Variants in SPG11 observed in about 807,000 individuals in gnomAD.
The protein encoded by SPG11 is spatacsin.
A neutral mutation model predicts 274.0 loss-of-function variants in SPG11; 222 were observed. That is an observed-to-expected ratio of 0.81 (90% CI 0.73 to 0.91). The LOEUF is 0.91. SPG11 is among the 40% of genes least tolerant of loss of function. The pLI is 0.00. For synonymous variants in SPG11, 1,144 were observed against 1,039.7 expected, an observed-to-expected ratio of 1.10 and a Z score of -1.93; for missense variants, 3,114 against 2,872.7, an observed-to-expected ratio of 1.08 and a Z score of -1.92.
chr15:44,573,424 C>T, intron 32 of SPG11, 123 bp downstream of exon 32: 1 of 1,017,302 alleles, frequency 9.8e-7, no homozygotes, highest in Non-Finnish European at 1.5e-6. Flanking sequence ...AAATACATTA[C>T]TGCAATCCAG....
intron 18 of SPG11, among the ~76,000 whole-genome samples, chr15:44,609,822 C>T (rs540646954): frequency 1.3e-5 from 2 of 150,908 alleles, no homozygotes; most frequent in South Asian, 4.2e-4. Context: ...GCCTCGACTT[C>T]CCAGGCTCAA....
At chr15:44,618,557 C>T (rs1372336859) in intron 15 of SPG11, among the ~76,000 whole-genome samples, 1 of 149,790 alleles carries the variant, frequency 6.7e-6, no homozygotes, top group African/African-American at 2.5e-5. Context: ...GTGGCTCACG[C>T]CTGTAATCCC....
At chr15:44,579,391 G>A (rs886118592) in intron 30 of SPG11, among the ~76,000 whole-genome samples, 6 of 151,414 alleles carry the variant, frequency 4.0e-5, no homozygotes, top group African/African-American at 1.5e-4. Flanking sequence ...AAAAATAGCT[G>A]GGCGTGGTGG....
chr15:44,610,689 T>A, intron 18 of SPG11, 151 bp downstream of exon 18: 3 of 863,858 alleles, frequency 3.5e-6, no homozygotes, highest in Non-Finnish European at 5.4e-6. Context: ...AGATATAAAA[T>A]TTTTAAATTC....
At chr15:44,588,068 C>T (rs2082813104) in intron 28 of SPG11, among the ~76,000 whole-genome samples, 2 of 152,162 alleles carry the variant, frequency 1.3e-5, no homozygotes, top group Non-Finnish European at 2.9e-5. Context: ...GCTCAGGATT[C>T]TGTCAGTGTT....
intron 4 of SPG11, among the ~76,000 whole-genome samples, chr15:44,656,299 C>T (rs1377330114): frequency 6.6e-6 from 1 of 152,192 alleles, no homozygotes; most frequent in Non-Finnish European, 1.5e-5. Flanking sequence ...TCTACAAGTA[C>T]TCAGCTGTCT....
chr15:44,642,711 A>T (rs888641009), intron 7 of SPG11, among the ~76,000 whole-genome samples: 1 of 151,494 alleles, frequency 6.6e-6, no homozygotes, highest in Non-Finnish European at 1.5e-5. Flanking sequence ...AAAAAAAAAA[A>T]TAATAAAAAT....
At position 44,599,063 on chromosome 15, in the gene SPG11, G is replaced by T. The variant is rs187546433; in HGVS notation, c.3687-227C>A. ...TTCCCTTAAGCTGACTTTCTAAAAC[G>T]CTTAGTCATAGTCTAAACTATTCTT... On this transcript the variant is annotated intron_variant, in intron 21 of 39. Transcript: ENST00000261866. Among the ~76,000 whole-genome samples the T allele has an allele frequency of 2.5e-3, 377 of 152,180 alleles. 1 individual carries two copies. Among genetic ancestry groups the T allele is most frequent in the Non-Finnish European group, 4.7e-3 (322 of 68,016 alleles).
Position 44,574,997 on chromosome 15 carries a change from T to C in SPG11, c.5911A>G (p.Asn1971Asp), listed in dbSNP as rs1058877. ...ACTTCCAGGTTAGTTACCACTTCAT[T>C]ACTGGAGGGCACTGTCACAAACTTC... ...SQKFVTVPSS[N>D]EVVTNLEVLT... The change falls in exon 31 of 40, where the codon AAT (asparagine) becomes GAT (aspartate). Residue 1971 changes from asparagine (N) to aspartate (D), a missense_variant. Physicochemically the swap from Asn to Asp is conservative, Grantham distance 23 (BLOSUM62 1). Transcript: ENST00000261866. 2.0e-5 allele frequency: 33 copies of C among 1,613,956 alleles called. No individual in the cohort carries two copies. Among genetic ancestry groups the C allele is most frequent in the Non-Finnish European group, 2.5e-5 (30 of 1,180,034 alleles).
Position 44,663,449 on chromosome 15 carries a change from A to C in SPG11, c.199T>G (p.Ser67Ala), listed in dbSNP as rs1270022389. Residue 67 changes from serine (S) to alanine (A), a missense_variant, in exon 1 of 40, where the codon TCT becomes GCT. Transcript: ENST00000261866. Reference sequence around the variant, plus strand: ...CCGCCCCGGCTGCCAGGCGTCAAAGAAAGCACTTGGAGGCTGCCCGCAGCC... The same window carrying C: ...CCGCCCCGGCTGCCAGGCGTCAAAGCAAGCACTTGGAGGCTGCCCGCAGCC... ...LTAAGSLQVLSLTPGSRGGGR... is the reference protein window; with the variant it reads ...LTAAGSLQVLALTPGSRGGGR... 1.9e-6 allele frequency: 3 copies of C among 1,602,142 alleles called. No homozygotes were observed. The highest frequency in any genetic ancestry group is 2.3e-5 in the East Asian group (1 of 44,276).
chr15:44,633,287 C>T (rs368202307), intron 8 of SPG11, among the ~76,000 whole-genome samples: 4 of 126,894 alleles, frequency 3.2e-5, no homozygotes, highest in Admixed American at 9.5e-5. Context: ...CTGTCATCAC[C>T]GCACTCCAGC....
intron 27 of SPG11, among the ~76,000 whole-genome samples, chr15:44,591,919 G>T (rs928695555): frequency 6.6e-6 from 1 of 152,144 alleles, no homozygotes; most frequent in African/African-American, 2.4e-5. Context: ...AGACCAGCCT[G>T]ACCAACATGG....
intron 1 of SPG11, 131 bp from the exon 2 acceptor site, chr15:44,660,747 C>T (rs2141130651): frequency 1.2e-6 from 1 of 841,650 alleles, no homozygotes. Context: ...ACACTTCAAT[C>T]TAAGAGAACA....
At chr15:44,572,918 C>CAG in intron 32 of SPG11, 98 bp from the exon 33 acceptor site, 3 of 1,217,458 alleles carry the variant, frequency 2.5e-6, no homozygotes, top group Non-Finnish European at 3.6e-6. Context: ...TGGAGCTCTG[C>CAG]AGCTCTCCGC....
rs1216397707 is a variant in SPG11 at position 44,584,455 on chromosome 15, G to T, written c.5225C>A (p.Ser1742Ter). The T allele has an allele frequency of 6.2e-7, 1 of 1,614,060 alleles. No homozygotes were observed. The highest frequency in any genetic ancestry group is 1.3e-5 in the African/African-American group (1 of 74,926). Reference protein sequence around the residue: ...KKCHENFKKNSISSKAASSFF... With the variant: ...KKCHENFKKN ...GGAAGAAGCTGCTTTGCTTGAAATT[G>T]AATTTTTCTTAAAATTCTCATGGCA... The change falls in exon 30 of 40, where the codon TCA (serine) becomes TAA (stop). Residue 1742 changes from serine to a stop codon, truncating the protein, a stop_gained. Transcript: ENST00000261866. LOFTEE classifies it high-confidence loss of function.
rs781770229 is a variant in SPG11, at chr15:44,633,637, C to A, written c.1603G>T (p.Ala535Ser). The change falls in exon 8 of 40, where the codon GCC (alanine) becomes TCC (serine). Residue 535 changes from alanine (A) to serine (S), a missense_variant and splice_region_variant. Transcript: ENST00000261866. ...RCSIPIHALEAGIENRQLDTV... is the reference protein window; with the variant it reads ...RCSIPIHALESGIENRQLDTV... The stretch of plus-strand genomic sequence containing the variant: ...TCCAGCTGACGATTTTCTATCCCGG[C>A]CTGAAATGAGGAGGAAAATAAAAAT... 6.2e-7 allele frequency: 1 copy of A among 1,612,764 alleles called. No individual in the cohort carries two copies. Among genetic ancestry groups the A allele is most frequent in the South Asian group, 1.1e-5 (1 of 90,906 alleles).
rs772441925 is a variant in SPG11, at chr15:44,584,258, G to A, written c.5422C>T (p.Gln1808Ter). The change falls in exon 30 of 40, where the codon CAG (glutamine) becomes TAG (stop). Residue 1808 changes from glutamine to a stop codon, truncating the protein, a stop_gained. Coordinates refer to ENST00000261866, the MANE Select transcript of SPG11 (RefSeq NM_025137.4). LOFTEE classifies it high-confidence loss of function. Reference protein sequence around the residue: ...EKQIWLCRITQHTLGRNQEET... With the variant: ...EKQIWLCRIT The stretch of plus-strand genomic sequence containing the variant: ...TCCTGATTTCTTCCAAGAGTGTGCT[G>A]GGTGATGCGGCACAGCCAGATCTGC... The A allele has an allele frequency of 1.2e-6, 2 of 1,614,122 alleles. No individual in the cohort carries two copies. The highest frequency in any genetic ancestry group is 1.3e-5 in the African/African-American group (1 of 75,010).
intron 11 of SPG11, among the ~76,000 whole-genome samples, chr15:44,624,089 A>G (rs1595893025): frequency 1.3e-5 from 2 of 152,178 alleles, no homozygotes; most frequent in East Asian, 3.9e-4. Flanking sequence ...GCCATTTAAA[A>G]ATCTCTTCAA....
chr15:44,595,505 C>A (rs757356923), intron 25 of SPG11, 46 bp from the exon 26 acceptor site: 4 of 1,552,962 alleles, frequency 2.6e-6, no homozygotes, highest in Non-Finnish European at 3.5e-6. Flanking sequence ...GATTACCTGG[C>A]AAATGTACAA....
Sources: allele counts gnomAD v4.1 joint callset (sites outside exome capture counted in the v4.1 genomes callset), GRCh38; gene constraint gnomAD v4.1.1; transcripts MANE v1.5; gene names NCBI Gene and HGNC (gene_info 2026-07-23, HGNC 2026-07-21).